The following APOO variants were observed in gnomAD, a reference collection of about 807,000 sequenced individuals.
The protein encoded by APOO is MICOS complex subunit MIC26.
Under a neutral mutation model 23.1 loss-of-function variants are expected in APOO, and 11 were observed. The ratio of observed to expected loss-of-function variants is 0.48; its 90% CI spans 0.30 to 0.79. The LOEUF is 0.79. Ranked by LOEUF, APOO falls within the 30% of genes least tolerant of loss-of-function variation. The pLI, the probability that APOO is intolerant of heterozygous loss-of-function variation, is 0.07. For synonymous variants in APOO, 59 were observed against 54.8 expected (o/e 1.08, Z -0.34); for missense variants, 160 against 142.7 (o/e 1.12, Z -0.62).
chrX:23,869,930 T>C (rs1183337924), intron 4 of APOO, among the ~76,000 whole-genome samples: 1 of 103,703 alleles, frequency 9.6e-6, no homozygotes, highest in African/African-American at 3.5e-5. Flanking sequence ...CCAGCATGGG[T>C]GACAGAGCGA....
chrX:23,840,496 A>G lies in APOO; in HGVS notation c.562-119T>C, dbSNP rs774495312. The G allele has an allele frequency of 2.0e-4, 117 of 591,184 alleles. No individual in the cohort carries two copies. In the East Asian group the frequency reaches 4.4e-3, roughly 22 times the overall value. 48.7% of individuals were successfully genotyped at this position (591,184 alleles called of 1,213,427 possible). ...AAATTATTATGGGGGACAGGGTCAA[A>G]CCATTTTATTGAGGACTTGGGGGGT... On this transcript the variant is annotated intron_variant, in intron 7 of 8. Transcript: ENST00000379226.
intron 5 of APOO, among the ~76,000 whole-genome samples, chrX:23,867,733 G>A (rs5925627): frequency 0.27 from 29,553 of 109,567 alleles, 3,880 homozygotes; most frequent in African/African-American, 0.51. Context: ...TAGTAGAGAC[G>A]GGGTTTCACC....
chrX:23,898,631 TAAAGTA>T (rs1372487844), intron 1 of APOO, among the ~76,000 whole-genome samples: 3 of 112,190 alleles, frequency 2.7e-5, no homozygotes, highest in African/African-American at 9.7e-5. Context: ...CAAAAACAAG[TAAAGTA>T]AATGTTTGGA....
chrX:23,903,826 C>T (rs937632694), intron 1 of APOO, among the ~76,000 whole-genome samples: 1 of 111,585 alleles, frequency 9.0e-6, no homozygotes, highest in Admixed American at 9.5e-5. Flanking sequence ...TACAATCTCT[C>T]GCACCTTTCT....
intron 1 of APOO, among the ~76,000 whole-genome samples, chrX:23,891,284 T>C (rs1296932844): frequency 9.0e-6 from 1 of 110,956 alleles, no homozygotes; most frequent in Non-Finnish European, 1.9e-5. Context: ...TGGAGTCCAG[T>C]GGCCTGATCT....
chrX:23,858,871 C>A (rs1005167968), intron 5 of APOO, 138 bp from the exon 6 acceptor site: 6 of 483,984 alleles, frequency 1.2e-5, no homozygotes, highest in South Asian at 8.4e-5. Flanking sequence ...GAGGCCGAGG[C>A]GGGAGGATCA....
At chrX:23,855,791 G>A (rs1033902512) in intron 7 of APOO, among the ~76,000 whole-genome samples, 1 of 111,783 alleles carries the variant, frequency 8.9e-6, no homozygotes, top group Non-Finnish European at 1.9e-5. Context: ...CACAGAGAAC[G>A]TGGCCTTTAG....
chrX:23,876,167 G>A (rs1305542599), intron 3 of APOO, among the ~76,000 whole-genome samples: 1 of 111,083 alleles, frequency 9.0e-6, no homozygotes, highest in Non-Finnish European at 1.9e-5. Context: ...GGGAGGCTGA[G>A]GCAGGAGAAT....
chrX:23,894,534 G>A (rs1181385656), intron 1 of APOO, among the ~76,000 whole-genome samples: 2 of 111,903 alleles, frequency 1.8e-5, no homozygotes, highest in Non-Finnish European at 3.8e-5. Flanking sequence ...CGTGGCTCAC[G>A]CCTGTAATCC....
At chrX:23,881,563 T>TAAAAAAAAA (rs60466764) in intron 1 of APOO, among the ~76,000 whole-genome samples, 1 of 9,174 alleles carries the variant, frequency 1.1e-4, no homozygotes, top group Non-Finnish European at 1.5e-4. Context: ...ATCGCTCCAC[T>TAAAAAAAAA]AAAAAAAAAA....
At chrX:23,842,407 G>C (rs555940560) in intron 7 of APOO, among the ~76,000 whole-genome samples, 1 of 111,450 alleles carries the variant, frequency 9.0e-6, no homozygotes, top group Middle Eastern at 4.7e-3. Flanking sequence ...CAAACAAATG[G>C]AATGGGGTAG....
intron 8 of APOO, among the ~76,000 whole-genome samples, chrX:23,839,280 C>T: frequency 8.9e-6 from 1 of 112,227 alleles, no homozygotes; most frequent in South Asian, 3.6e-4. Context: ...GAGGAAACAG[C>T]TTCCAAAAAC....
chrX:23,889,665 T>G (rs1252382468), intron 1 of APOO, among the ~76,000 whole-genome samples: 1 of 100,222 alleles, frequency 1.0e-5, no homozygotes, highest in South Asian at 4.9e-4. Context: ...TGTTTTTTTT[T>G]TTTTTTTTTT....
At chrX:23,843,709 G>A (rs1924109737) in intron 7 of APOO, among the ~76,000 whole-genome samples, 1 of 105,439 alleles carries the variant, frequency 9.5e-6, no homozygotes, top group Middle Eastern at 4.9e-3. Context: ...TCAGCCTCCT[G>A]AGTAGCTGGG....
At chrX:23,906,792 C>T (rs1298695654) in intron 1 of APOO, among the ~76,000 whole-genome samples, 2 of 112,334 alleles carry the variant, frequency 1.8e-5, no homozygotes, top group Non-Finnish European at 3.8e-5. Context: ...GGCACAGTGA[C>T]TTGCCCAAGG....
rs1923906024 is a variant in APOO at position 23,840,299 on chromosome X, T to G, written c.*29+14A>C. 1 of 1,103,132 alleles carries G rather than the reference T, an allele frequency of 9.1e-7. No homozygotes were observed. The highest frequency in any genetic ancestry group is 1.2e-6 in the Non-Finnish European group (1 of 828,671). 90.9% of individuals were successfully genotyped at this position (1,103,132 alleles called of 1,213,427 possible). On this transcript the variant is annotated intron_variant, in intron 8 of 8. Coordinates refer to ENST00000379226, the MANE Select transcript of APOO (RefSeq NM_024122.5). Reference sequence around the variant, plus strand: ...CAATGCTGAAAATAATCACAGAAATTTCTTGTTTTTTACCTGATTAAGATG... The same window carrying G: ...CAATGCTGAAAATAATCACAGAAATGTCTTGTTTTTTACCTGATTAAGATG...
intron 4 of APOO, among the ~76,000 whole-genome samples, chrX:23,871,362 CAAAAAAAA>C (rs750866169): frequency 1.8e-5 from 1 of 56,323 alleles, no homozygotes; most frequent in Non-Finnish European, 3.7e-5. Context: ...GACTCCGTCT[CAAAAAAAA>C]AAAAAAAAAA....
intron 8 of APOO, among the ~76,000 whole-genome samples, chrX:23,839,574 A>T (rs182735737): frequency 8.9e-6 from 1 of 112,148 alleles, no homozygotes; most frequent in Non-Finnish European, 1.9e-5. Context: ...CTGATTATAA[A>T]ATGCATACTC....
At chrX:23,874,291 G>A (rs979725277) in intron 4 of APOO, 112 bp downstream of exon 4, 3 of 689,301 alleles carry the variant, frequency 4.4e-6, no homozygotes, top group East Asian at 6.6e-5. Flanking sequence ...CTAAAATTCT[G>A]CATATAATTT....
Sources: gnomAD v4.1 joint callset for allele counts (sites outside exome capture counted in the v4.1 genomes callset) on GRCh38, gnomAD v4.1.1 for gene constraint, MANE v1.5 for transcripts, NCBI Gene and HGNC (gene_info 2026-07-23, HGNC 2026-07-21) for gene names.